Variants in HMCN1 observed in about 807,000 individuals in gnomAD.
HMCN1 encodes hemicentin-1.
HMCN1 carries 321 observed loss-of-function variants against 625.9 expected under a neutral mutation model. The observed-to-expected ratio is 0.51, with a 90% CI of 0.47 to 0.56. HMCN1 has a LOEUF of 0.56. Ranked by LOEUF, HMCN1 falls within the 20% of genes least tolerant of loss-of-function variation. The pLI, the probability that HMCN1 is intolerant of heterozygous loss-of-function variation, is 0.00. For missense variants in HMCN1, 6,588 were observed against 6,887.3 expected, an observed-to-expected ratio of 0.96 and a Z score of 1.54; for synonymous variants, 2,425 against 2,417.6, an observed-to-expected ratio of 1.00 and a Z score of -0.09.
At chr1:185,950,611 A>C (rs1203072343) in intron 11 of HMCN1, among the ~76,000 whole-genome samples, 1 of 151,816 alleles carries the variant, frequency 6.6e-6, no homozygotes, top group Admixed American at 6.6e-5. Context: ...TAGGTAACAG[A>C]TGAGGAAGAA....
At chr1:185,953,740 C>T (rs963557362) in intron 11 of HMCN1, among the ~76,000 whole-genome samples, 1 of 151,728 alleles carries the variant, frequency 6.6e-6, no homozygotes, top group African/African-American at 2.4e-5. Flanking sequence ...GGAGGTCCCC[C>T]GATCCGAGTC....
chr1:185,929,537 A>G (rs575684838), intron 10 of HMCN1, among the ~76,000 whole-genome samples: 4 of 152,252 alleles, frequency 2.6e-5, no homozygotes, highest in Admixed American at 2.6e-4. Context: ...TAGTGTTGCT[A>G]TGTGTTTAAC....
At chr1:185,784,978 CT>C (rs1657459617) in intron 1 of HMCN1, among the ~76,000 whole-genome samples, 2 of 152,124 alleles carry the variant, frequency 1.3e-5, no homozygotes, top group South Asian at 4.1e-4. Context: ...TTGTTCCTGA[CT>C]TTTTTCACTC....
intron 1 of HMCN1, among the ~76,000 whole-genome samples, chr1:185,750,653 A>C (rs1441153846): frequency 6.6e-6 from 1 of 152,018 alleles, no homozygotes. Flanking sequence ...GTATTTGTCA[A>C]ATACTTTTTC....
rs969440490 is a variant in HMCN1 at position 186,059,072 on chromosome 1, A to C, written c.7312+1671A>C. ...ATGAGATACCTAAAACAGTTAACAC[A>C]GCACTTGCTTCTATGGTAAGCATCC... On this transcript the variant is annotated intron_variant, in intron 46 of 106. Transcript: ENST00000271588. Among the ~76,000 whole-genome samples, 5 of 152,022 alleles carry C rather than the reference A, an allele frequency of 3.3e-5. No homozygotes were observed. The East Asian group carries it at 7.7e-4, about 23-fold the overall frequency.
At chr1:185,904,943 T>C (rs1666015476) in intron 4 of HMCN1, among the ~76,000 whole-genome samples, 1 of 151,854 alleles carries the variant, frequency 6.6e-6, no homozygotes, top group Non-Finnish European at 1.5e-5. Context: ...CCAGTGTGAC[T>C]GAGAAAAATG....
chr1:186,132,632 A>AATTG (rs1205664567), intron 86 of HMCN1, among the ~76,000 whole-genome samples: 2 of 147,976 alleles, frequency 1.4e-5, no homozygotes. Context: ...ATAAGATTGC[A>AATTG]ATTGATTGGT....
intron 64 of HMCN1, among the ~76,000 whole-genome samples, chr1:186,091,917 A>T (rs537633581): frequency 4.6e-5 from 7 of 151,900 alleles, no homozygotes; most frequent in Non-Finnish European, 8.8e-5. Context: ...CAGAGGATAC[A>T]TTTTAAGTTT....
chr1:186,107,045 C>T (rs1289344718), intron 70 of HMCN1, 80 bp downstream of exon 70: 14 of 863,586 alleles, frequency 1.6e-5, no homozygotes, highest in Non-Finnish European at 2.8e-5. Flanking sequence ...CAGCACATCA[C>T]AGGATATGTT....
intron 86 of HMCN1, among the ~76,000 whole-genome samples, chr1:186,135,406 C>T (rs190292446): frequency 6.6e-4 from 100 of 152,190 alleles, no homozygotes; most frequent in African/African-American, 2.2e-3. Flanking sequence ...TGTCTTTGGC[C>T]GTCTTCTCAT....
At chr1:185,941,685 T>G (rs1668089342) in intron 11 of HMCN1, among the ~76,000 whole-genome samples, 1 of 152,328 alleles carries the variant, frequency 6.6e-6, no homozygotes, top group South Asian at 2.1e-4. Context: ...TATAAAACAT[T>G]CCAGTTTCAT....
chr1:186,163,462 C>G (rs1468827941), intron 97 of HMCN1, among the ~76,000 whole-genome samples: 1 of 152,150 alleles, frequency 6.6e-6, no homozygotes, highest in Non-Finnish European at 1.5e-5. Context: ...GAACCCAGTA[C>G]CTCAGATGGA....
At position 186,115,314 on chromosome 1, in the gene HMCN1, A is replaced by T. The variant is rs1558234658; in HGVS notation, c.11461A>T (p.Thr3821Ser). The change falls in exon 75 of 107, where the codon ACT (threonine) becomes TCT (serine). Residue 3821 changes from threonine to serine, a missense_variant. Thr to Ser is a moderately conservative substitution (Grantham distance 58). This residue lies in a region of HMCN1 where 4,628 missense variants were observed against 4,853.1 expected (regional missense o/e 0.95). Transcript: ENST00000271588. ...CATGACTGTAATAGTAAATGTTCAA[A>T]CTACTCTGGCTTGTGAGGCTACTGG... ...TNMTVIVNVQ[T>S]TLACEATGIP... 1.2e-6 allele frequency: 2 copies of T among 1,614,064 alleles called. No homozygotes were observed. Among genetic ancestry groups the T allele is most frequent in the Admixed American group, 3.3e-5 (2 of 60,018 alleles).
Position 186,174,626 on chromosome 1 carries a change from T to C in HMCN1, c.15927T>C (p.Val5309=). 2 of 1,614,032 alleles carry C rather than the reference T, an allele frequency of 1.2e-6. No individual in the cohort carries two copies. Among genetic ancestry groups the C allele is most frequent in the African/African-American group, 2.7e-5 (2 of 75,058 alleles). The change falls in exon 103 of 107, where the codon GTT becomes GTC. Residue 5309 remains valine, a synonymous_variant. Coordinates refer to ENST00000271588, the MANE Select transcript of HMCN1 (RefSeq NM_031935.3). ...CAAGAGGTTATCGGTCTCAAGGAGT[T>C]GGAAGACCCTGCATGGGTAAGTTAA... is the stretch of plus-strand genomic sequence containing the variant. The part of the protein sequence containing the change: ...VCPRGYRSQG[V]GRPCMDINEC...
intron 1 of HMCN1, among the ~76,000 whole-genome samples, chr1:185,762,102 G>C (rs894207743): frequency 6.6e-6 from 1 of 152,102 alleles, no homozygotes; most frequent in Non-Finnish European, 1.5e-5. Context: ...GAAAAAAAGA[G>C]GTGAAAAGTA....
chr1:186,040,274 C>T (rs1401756723), intron 39 of HMCN1, among the ~76,000 whole-genome samples: 3 of 152,000 alleles, frequency 2.0e-5, no homozygotes, highest in Non-Finnish European at 4.4e-5. Context: ...TCAGAGACTA[C>T]ACAGAGCATA....
At chr1:185,844,469 G>GT (rs1469101916) in intron 1 of HMCN1, among the ~76,000 whole-genome samples, 1 of 152,014 alleles carries the variant, frequency 6.6e-6, no homozygotes, top group African/African-American at 2.4e-5. Context: ...ACTACAGTCT[G>GT]TTTTTGTACC....
intron 4 of HMCN1, among the ~76,000 whole-genome samples, chr1:185,903,734 C>T (rs912510781): frequency 1.3e-5 from 2 of 151,742 alleles, no homozygotes; most frequent in African/African-American, 4.8e-5. Flanking sequence ...CAGCCTCTGT[C>T]TGAGTGGATC....
chr1:186,155,949 T>G (rs567630962), intron 97 of HMCN1, among the ~76,000 whole-genome samples: 1 of 152,204 alleles, frequency 6.6e-6, no homozygotes. Context: ...ACAAAGATTT[T>G]TGGTTTAGCA....
Sources: gnomAD v4.1 joint callset for allele counts (sites outside exome capture counted in the v4.1 genomes callset) on GRCh38, gnomAD v4.1.1 for gene constraint, gnomAD v4.1.1 regional missense constraint, MANE v1.5 for transcripts, NCBI Gene and HGNC (gene_info 2026-07-23, HGNC 2026-07-21) for gene names.